Variants in ARHGAP12 observed in about 807,000 individuals in gnomAD.
ARHGAP12 encodes Rho GTPase activating protein 12.
ARHGAP12 carries 64 observed loss-of-function variants against 108.6 expected under a neutral mutation model. That is an observed-to-expected ratio of 0.59 (90% CI 0.48 to 0.73). The LOEUF (loss-of-function observed/expected upper bound fraction) is 0.73. Among genes scored for constraint, ARHGAP12 ranks in the 30% least tolerant of loss-of-function variants. ARHGAP12 has a pLI of 0.00. For synonymous variants in ARHGAP12, 312 were observed against 337.2 expected, an observed-to-expected ratio of 0.93 and a Z score of 0.82; for missense variants, 940 against 1,005.9, an observed-to-expected ratio of 0.93 and a Z score of 0.89.
intron 3 of ARHGAP12, among the ~76,000 whole-genome samples, chr10:31,880,845 G>A (rs1837921180): frequency 6.6e-6 from 1 of 151,412 alleles, no homozygotes. Context: ...GACAGCTTGA[G>A]CTCTGGGAGT....
chr10:31,906,398 AAC>A (rs1361986593), intron 3 of ARHGAP12, among the ~76,000 whole-genome samples: 2 of 152,332 alleles, frequency 1.3e-5, no homozygotes, highest in East Asian at 3.9e-4. Flanking sequence ...AAGAAACTAA[AAC>A]ACACAGAGGT....
chr10:31,887,475 C>T (rs768474000), intron 3 of ARHGAP12, among the ~76,000 whole-genome samples: 10 of 152,132 alleles, frequency 6.6e-5, no homozygotes, highest in Non-Finnish European at 1.2e-4. Context: ...TGCAGACATA[C>T]GAAATCGGTA....
intron 3 of ARHGAP12, among the ~76,000 whole-genome samples, chr10:31,877,283 C>T (rs74438135): frequency 0.012 from 1,839 of 152,312 alleles, 46 homozygotes; most frequent in African/African-American, 0.042. Flanking sequence ...AGCTTTCAGT[C>T]TTCATACTCT....
Position 31,839,318 on chromosome 10 carries a change from G to A in ARHGAP12, c.1373C>T (p.Ala458Val), listed in dbSNP as rs142038327. 61 of 1,609,272 alleles carry A rather than the reference G, an allele frequency of 3.8e-5. No homozygotes were observed. Among genetic ancestry groups the A allele is most frequent in the Non-Finnish European group, 5.2e-5 (61 of 1,177,354 alleles). The change falls in exon 9 of 20, where the codon GCC (alanine) becomes GTC (valine). Residue 458 changes from alanine to valine, a missense_variant and splice_region_variant. Ala to Val is a moderately conservative substitution (Grantham distance 64). Coordinates refer to ENST00000344936, the MANE Select transcript of ARHGAP12 (RefSeq NM_018287.7). The stretch of plus-strand genomic sequence containing the variant: ...ATTGCTTCTTACCTTTGGACTGCTG[G>A]CCTGAGGAAAAAAAGAGTAAAGTAT... ...SPSSPKHQDTASSPKDQEKYG... is the reference protein window; with the variant it reads ...SPSSPKHQDTVSSPKDQEKYG...
At chr10:31,836,867 G>A (rs1253266075) in intron 9 of ARHGAP12, among the ~76,000 whole-genome samples, 1 of 152,090 alleles carries the variant, frequency 6.6e-6, no homozygotes, top group Admixed American at 6.6e-5. Context: ...CAGGAAAAAA[G>A]GAATGCCATC....
In ARHGAP12 at chr10:31,806,152, G is replaced by T. The variant is rs1425288206; in HGVS notation, c.*1506C>A. 1.3e-5 allele frequency: 2 copies of T among 152,140 alleles called. No homozygotes were observed. Among genetic ancestry groups the T allele is most frequent in the African/African-American group, 4.8e-5 (2 of 41,440 alleles). 9.4% of individuals were successfully genotyped at this position (152,140 alleles called of 1,614,324 possible). A position where few individuals can be genotyped will look rare whatever the true frequency, so the allele number is the denominator to read the frequency against. ...GTTGTGGGTGGAGAAATGTTGGCATGGAAGAGAGGAGAAAAGGTATGAAAT... is the reference window on the plus strand; with the variant it reads ...GTTGTGGGTGGAGAAATGTTGGCATTGAAGAGAGGAGAAAAGGTATGAAAT... On this transcript the variant is annotated 3_prime_UTR_variant, in exon 20 of 20. Transcript: ENST00000344936.
intron 3 of ARHGAP12, among the ~76,000 whole-genome samples, chr10:31,884,457 T>C (rs1267170736): frequency 6.6e-6 from 1 of 152,174 alleles, no homozygotes; most frequent in Non-Finnish European, 1.5e-5. Flanking sequence ...TATAGATATG[T>C]CGGACAAGGA....
At position 31,844,138 on chromosome 10, in the gene ARHGAP12, A is replaced by G. The variant is rs192882191; in HGVS notation, c.1171-552T>C. On this transcript the variant is annotated intron_variant, in intron 6 of 19. Transcript: ENST00000344936. ...CCTTTCTAGGCTATGTGAGTTGAAG[A>G]TATCTTTTCCTAGTTTGTAGCCCAT... is the stretch of plus-strand genomic sequence containing the variant. Among the ~76,000 whole-genome samples, 160 of 152,280 alleles carry G rather than the reference A, an allele frequency of 1.1e-3. 2 individuals carry two copies. In the Middle Eastern group the frequency reaches 0.014, roughly 13 times the overall value.
intron 3 of ARHGAP12, among the ~76,000 whole-genome samples, chr10:31,896,502 T>A (rs1838702994): frequency 6.6e-6 from 1 of 152,016 alleles, no homozygotes; most frequent in South Asian, 2.1e-4. Flanking sequence ...TAGAGAAAAG[T>A]CCTATCATTT....
chr10:31,856,143 C>T (rs1476190604), intron 4 of ARHGAP12, among the ~76,000 whole-genome samples: 1 of 152,000 alleles, frequency 6.6e-6, no homozygotes, highest in Non-Finnish European at 1.5e-5. Flanking sequence ...AATTGATCAT[C>T]TTAACAGAAA....
chr10:31,814,773 C>A (rs1835140619), intron 13 of ARHGAP12, among the ~76,000 whole-genome samples: 1 of 152,086 alleles, frequency 6.6e-6, no homozygotes, highest in African/African-American at 2.4e-5. Context: ...TACCCTGTAA[C>A]AACAGGACAA....
Position 31,820,506 on chromosome 10 carries a change from A to G in ARHGAP12, c.1531-18T>C. Reference sequence around the variant, plus strand: ...CTGCCAAACTTCATTTTTGAAAAAGAAAAAAAACCTTCATGTGATACTCAC... The same window carrying G: ...CTGCCAAACTTCATTTTTGAAAAAGGAAAAAAACCTTCATGTGATACTCAC... On this transcript the variant is annotated intron_variant, in intron 11 of 19. Transcript: ENST00000344936. 6.5e-7 allele frequency: 1 copy of G among 1,530,558 alleles called. No homozygotes were observed. Among genetic ancestry groups the G allele is most frequent in the South Asian group, 1.3e-5 (1 of 78,888 alleles). 94.8% of individuals were successfully genotyped at this position (1,530,558 alleles called of 1,614,324 possible).
At chr10:31,820,766 C>T (rs146311187) in intron 11 of ARHGAP12, among the ~76,000 whole-genome samples, 1 of 148,972 alleles carries the variant, frequency 6.7e-6, no homozygotes, top group Non-Finnish European at 1.5e-5. Flanking sequence ...TTTTTACCCA[C>T]CAGAGTGGGA....
chr10:31,862,705 GACACACAC>G (rs559731195), intron 3 of ARHGAP12, among the ~76,000 whole-genome samples: 10,374 of 133,130 alleles, frequency 0.078, 366 homozygotes, highest in Middle Eastern at 0.16. Flanking sequence ...TGCACACACA[GACACACAC>G]ACACACACAC....
intron 1 of ARHGAP12, among the ~76,000 whole-genome samples, chr10:31,926,441 C>T (rs1840051639): frequency 1.3e-5 from 2 of 152,074 alleles, no homozygotes; most frequent in African/African-American, 4.8e-5. Context: ...TACTACGACA[C>T]CTTTCACATC....
intron 3 of ARHGAP12, among the ~76,000 whole-genome samples, chr10:31,901,131 G>A (rs1277321130): frequency 6.6e-6 from 1 of 151,042 alleles, no homozygotes; most frequent in African/African-American, 2.4e-5. Flanking sequence ...CGGGATAATC[G>A]CTTGAACCTG....
chr10:31,928,367 AG>A (rs1840152336), intron 1 of ARHGAP12, among the ~76,000 whole-genome samples: 1 of 150,998 alleles, frequency 6.6e-6, no homozygotes, highest in South Asian at 2.1e-4. Context: ...GCCCTCACAC[AG>A]GAAGTCAGGA....
intron 3 of ARHGAP12, among the ~76,000 whole-genome samples, chr10:31,863,972 G>A (rs982916884): frequency 2.6e-5 from 4 of 151,914 alleles, no homozygotes; most frequent in South Asian, 2.1e-4. Flanking sequence ...GTATATTATG[G>A]TCTATAAGGT....
chr10:31,833,289 G>A (rs1038588911), intron 9 of ARHGAP12, among the ~76,000 whole-genome samples: 1 of 151,286 alleles, frequency 6.6e-6, no homozygotes, highest in Non-Finnish European at 1.5e-5. Context: ...AGGCAGAGAG[G>A]TGGGAATTAA....
Sources: gnomAD v4.1 joint callset for allele counts (sites outside exome capture counted in the v4.1 genomes callset) on GRCh38, gnomAD v4.1.1 for gene constraint, MANE v1.5 for transcripts, NCBI Gene and HGNC (gene_info 2026-07-23, HGNC 2026-07-21) for gene names.